NT5C3A: variants seen among roughly 807,000 people sequenced by gnomAD.
The protein encoded by NT5C3A is cytosolic 5'-nucleotidase 3A.
NT5C3A carries 23 observed loss-of-function variants against 40.0 expected under a neutral mutation model. That is an observed-to-expected ratio of 0.58 (90% CI 0.41 to 0.81). The LOEUF (loss-of-function observed/expected upper bound fraction) is 0.81, where lower values mean the gene tolerates loss of function less well. NT5C3A is among the 40% of genes least tolerant of loss of function. The pLI is 0.00. For missense variants in NT5C3A, 328 were observed against 403.0 expected (o/e 0.81, Z 1.59); for synonymous variants, 130 against 141.4 (o/e 0.92, Z 0.57).
chr7:33,031,106 A>AT (rs1786229441), intron 1 of NT5C3A, among the ~76,000 whole-genome samples: 7 of 84,438 alleles, frequency 8.3e-5, no homozygotes, highest in Non-Finnish European at 1.3e-4. Context: ...TCAAAAAAAA[A>AT]CAAAAAAAAA....
chr7:33,034,249 A>G (rs1786458314), intron 1 of NT5C3A, among the ~76,000 whole-genome samples: 1 of 152,120 alleles, frequency 6.6e-6, no homozygotes, highest in African/African-American at 2.4e-5. Flanking sequence ...AAATTAATGC[A>G]ATAATAGTTA....
chr7:33,042,042 A>T (rs1247048238), intron 1 of NT5C3A, among the ~76,000 whole-genome samples: 2 of 152,198 alleles, frequency 1.3e-5, no homozygotes, highest in Non-Finnish European at 2.9e-5. Flanking sequence ...AAATGGTGTT[A>T]AAAAACTATC....
rs760930995 is a variant in NT5C3A, at chr7:33,022,113, G to C, written c.308-14C>G. The C allele has an allele frequency of 8.8e-6, 12 of 1,366,816 alleles. No individual in the cohort carries two copies. The East Asian group carries it at 2.7e-4, about 31-fold the overall frequency. The allele number at this position is 1,366,816 out of a possible 1,614,324, so 84.7% of individuals were successfully genotyped here. A position where few individuals can be genotyped will look rare whatever the true frequency, so the allele number is the denominator to read the frequency against. The stretch of plus-strand genomic sequence containing the variant: ...TGTCAATGATATCTAAAGATAGAAA[G>C]CAAAATAAGCATTAAAAGAAATACT... On this transcript the variant is annotated splice_polypyrimidine_tract_variant and intron_variant, in intron 3 of 8. Transcript: ENST00000610140.
intron 1 of NT5C3A, among the ~76,000 whole-genome samples, chr7:33,031,107 CAAAAAAAA>C (rs11407650): frequency 7.6e-6 from 1 of 131,800 alleles, no homozygotes; most frequent in Non-Finnish European, 1.6e-5. Context: ...CAAAAAAAAA[CAAAAAAAA>C]AAAAAAAGAG....
At chr7:33,016,059 G>T (rs371383225) in intron 7 of NT5C3A, 189 bp from the exon 8 acceptor site, 7 of 583,590 alleles carry the variant, frequency 1.2e-5, no homozygotes, top group Non-Finnish European at 1.5e-5. Flanking sequence ...AGAAGTAAAT[G>T]ATTTTTTAGA....
At chr7:33,061,203 G>A (rs1787761754) in intron 1 of NT5C3A, among the ~76,000 whole-genome samples, 1 of 152,164 alleles carries the variant, frequency 6.6e-6, no homozygotes, top group Non-Finnish European at 1.5e-5. Flanking sequence ...GCAAAAGAAA[G>A]CCAAGTTTTC....
intron 1 of NT5C3A, among the ~76,000 whole-genome samples, chr7:33,035,170 A>G (rs935729540): frequency 6.7e-6 from 1 of 150,114 alleles, no homozygotes; most frequent in Non-Finnish European, 1.5e-5. Context: ...TCAGGGCTAT[A>G]GAAGCTAATA....
intron 1 of NT5C3A, chr7:33,029,617 A>G (rs1786135186): frequency 3.1e-6 from 4 of 1,271,492 alleles, no homozygotes; most frequent in Non-Finnish European, 4.1e-6. Context: ...CAGTGTACCC[A>G]AGATGTCTTA....
At chr7:33,049,972 A>T (rs1243363537) in intron 1 of NT5C3A, among the ~76,000 whole-genome samples, 4 of 147,552 alleles carry the variant, frequency 2.7e-5, no homozygotes, top group Non-Finnish European at 5.9e-5. Context: ...TCCATCTCAA[A>T]AAAAAAAAAA....
chr7:33,017,523 A>T lies in NT5C3A; in HGVS notation c.609T>A (p.Asp203Glu). ...CTTGACGAATAACTTCCTCTAGTAC[A>T]TCGCCGATTCCAGCCGAAAATATGA... ...PVFIFSAGIG[D>E]VLEEVIRQAG... Residue 203 changes from aspartate (D) to glutamate (E), a missense_variant, in exon 7 of 9, where the codon GAT becomes GAA. Physicochemically the swap from Asp to Glu is conservative, Grantham distance 45 (BLOSUM62 2). This residue lies in a region of NT5C3A where 280 missense variants were observed against 317.2 expected (regional missense o/e 0.88). Transcript: ENST00000610140. 6.2e-7 allele frequency: 1 copy of T among 1,613,754 alleles called. No individual in the cohort carries two copies. Among genetic ancestry groups the T allele is most frequent in the East Asian group, 2.2e-5 (1 of 44,864 alleles).
In NT5C3A at chr7:33,037,941, G is replaced by A. The variant is rs556606876; in HGVS notation, c.139-11026C>T. On this transcript the variant is annotated intron_variant, in intron 1 of 8. Coordinates refer to ENST00000610140, the MANE Select transcript of NT5C3A (RefSeq NM_001002010.5). Reference sequence around the variant, plus strand: ...CTTAGATGATTATAGTCAAGTTTAAGTAGACTTTCCTTGGTCTAACTTTTT... The same window carrying A: ...CTTAGATGATTATAGTCAAGTTTAAATAGACTTTCCTTGGTCTAACTTTTT... 3.3e-5 allele frequency among the ~76,000 whole-genome samples: 5 copies of A among 152,198 alleles called. No individual in the cohort carries two copies. The East Asian group carries it at 9.7e-4, about 29-fold the overall frequency.
chr7:33,018,782 G>A (rs558803328), intron 6 of NT5C3A, among the ~76,000 whole-genome samples: 4 of 151,520 alleles, frequency 2.6e-5, no homozygotes, highest in Admixed American at 6.6e-5. Context: ...CCTGGGAGGC[G>A]GAGCTTACAC....
chr7:33,038,123 G>C (rs2128007460), intron 1 of NT5C3A, among the ~76,000 whole-genome samples: 1 of 151,772 alleles, frequency 6.6e-6, no homozygotes, highest in African/African-American at 2.4e-5. Flanking sequence ...TTCTCAAAGA[G>C]CACTATTTAA....
At chr7:33,047,866 G>A (rs1274671279) in intron 1 of NT5C3A, among the ~76,000 whole-genome samples, 1 of 152,120 alleles carries the variant, frequency 6.6e-6, no homozygotes, top group Non-Finnish European at 1.5e-5. Flanking sequence ...CTATCACCCA[G>A]ACTGGAGTGC....
intron 5 of NT5C3A, among the ~76,000 whole-genome samples, chr7:33,020,897 T>A (rs1211201413): frequency 6.6e-6 from 1 of 151,960 alleles, no homozygotes; most frequent in Non-Finnish European, 1.5e-5. Context: ...CAACCAAAGG[T>A]CGATTTTTGG....
chr7:33,024,181 C>T (rs879173318), intron 2 of NT5C3A, 73 bp from the exon 3 acceptor site: 10 of 809,334 alleles, frequency 1.2e-5, no homozygotes, highest in Admixed American at 7.7e-5. Flanking sequence ...GCTACCCAAA[C>T]ACATACTTCA....
intron 1 of NT5C3A, among the ~76,000 whole-genome samples, chr7:33,050,373 T>C (rs560204128): frequency 6.6e-6 from 1 of 152,364 alleles, no homozygotes; most frequent in South Asian, 2.1e-4. Flanking sequence ...CATTTTGCTA[T>C]GCTGTATATA....
chr7:33,052,163 C>T (rs2128017017), intron 1 of NT5C3A, among the ~76,000 whole-genome samples: 1 of 152,036 alleles, frequency 6.6e-6, no homozygotes, highest in South Asian at 2.1e-4. Flanking sequence ...TGCCTTTTCC[C>T]CTTGTCACCA....
intron 1 of NT5C3A, among the ~76,000 whole-genome samples, chr7:33,056,728 G>C (rs769049639): frequency 6.6e-6 from 1 of 152,022 alleles, no homozygotes; most frequent in African/African-American, 2.4e-5. Context: ...TAAAACTTGG[G>C]TTGCTTCTCC....
Sources: gnomAD v4.1 joint callset for allele counts (sites outside exome capture counted in the v4.1 genomes callset) on GRCh38, gnomAD v4.1.1 for gene constraint, gnomAD v4.1.1 regional missense constraint, MANE v1.5 for transcripts, NCBI Gene and HGNC (gene_info 2026-07-23, HGNC 2026-07-21) for gene names.